SMOC2: variants seen among roughly 807,000 people sequenced by gnomAD.
The protein encoded by SMOC2 is SPARC related modular calcium binding 2.
SMOC2 carries 39 observed loss-of-function variants against 61.4 expected under a neutral mutation model. The ratio of observed to expected loss-of-function variants is 0.64; its 90% confidence interval spans 0.49 to 0.83. The LOEUF (loss-of-function observed/expected upper bound fraction) is 0.83, where lower values mean the gene tolerates loss of function less well. SMOC2 is among the 40% of genes least tolerant of loss of function. SMOC2 has a pLI of 0.00. For missense variants in SMOC2, 556 were observed against 592.9 expected, an observed-to-expected ratio of 0.94 and a Z score of 0.65; for synonymous variants, 247 against 239.9, an observed-to-expected ratio of 1.03 and a Z score of -0.27.
intron 1 of SMOC2, among the ~76,000 whole-genome samples, chr6:168,487,992 A>G (rs891998651): frequency 6.6e-6 from 1 of 152,214 alleles, no homozygotes; most frequent in South Asian, 2.1e-4. Context: ...TTCGAGAGCA[A>G]TATTTGAGGA....
chr6:168,588,202 T>C (rs569612965), intron 7 of SMOC2, among the ~76,000 whole-genome samples: 39 of 151,326 alleles, frequency 2.6e-4, no homozygotes, highest in African/African-American at 8.7e-4. Flanking sequence ...CGGCTCACTG[T>C]AACCTCTGCC....
rs865916505 is a variant in SMOC2 at position 168,592,625 on chromosome 6, T to C, written c.638-6193T>C. Among the ~76,000 whole-genome samples, 232 of 51,432 alleles carry C rather than the reference T, an allele frequency of 4.5e-3. 1 individual carries two copies. Among genetic ancestry groups the C allele is most frequent in the East Asian group, 6.9e-3 (13 of 1,888 alleles). The allele number at this position is 51,432 out of a possible 152,430, so 33.7% of individuals were successfully genotyped here. A position where few individuals can be genotyped will look rare whatever the true frequency, so the allele number is the denominator to read the frequency against. ...CGGAGCTCCTCCTCCTTCCTGAGGC[T>C]TCACGGGCATCTTTCTAGAGGATCG... On this transcript the variant is annotated intron_variant, in intron 7 of 12. Transcript: ENST00000356284.
intron 9 of SMOC2, among the ~76,000 whole-genome samples, chr6:168,629,744 G>A (rs528321826): frequency 6.6e-6 from 1 of 152,326 alleles, no homozygotes; most frequent in Admixed American, 6.5e-5. Flanking sequence ...ACAGATGAAT[G>A]TGTGTGGGGA....
At chr6:168,564,660 C>G (rs1390924110) in intron 7 of SMOC2, among the ~76,000 whole-genome samples, 3 of 152,126 alleles carry the variant, frequency 2.0e-5, no homozygotes, top group Non-Finnish European at 4.4e-5. Context: ...TCCAGTTTAC[C>G]TATCTTTTCT....
intron 4 of SMOC2, among the ~76,000 whole-genome samples, chr6:168,538,832 G>A (rs1192513977): frequency 6.6e-6 from 1 of 151,932 alleles, no homozygotes; most frequent in Non-Finnish European, 1.5e-5. Context: ...GGAATCTGGG[G>A]GAGTGGGGTG....
chr6:168,666,370 G>A (rs1787661431), intron 12 of SMOC2, 51 bp from the exon 13 acceptor site: 2 of 1,612,258 alleles, frequency 1.2e-6, no homozygotes, highest in South Asian at 2.2e-5. Context: ...TCACAGATGA[G>A]CGACACACAC....
At chr6:168,513,488 CACACACACACACACAT>C (rs1783058884) in intron 2 of SMOC2, among the ~76,000 whole-genome samples, 1 of 107,992 alleles carries the variant, frequency 9.3e-6, no homozygotes, top group East Asian at 2.9e-4. Flanking sequence ...CATACATACA[CACACACACACACACAT>C]AGACACTCAC....
Position 168,652,938 on chromosome 6 carries a change from T to G in SMOC2, c.1011-16T>G, listed in dbSNP as rs1305486452. ...CAGGGGTTTAAGCATCCTGACGGCA[T>G]CTGTGTTCCTTCCAGGCTCTCAGAA... is the stretch of plus-strand genomic sequence containing the variant. On this transcript the variant is annotated splice_polypyrimidine_tract_variant and intron_variant, in intron 10 of 12. Coordinates refer to ENST00000356284, the MANE Select transcript of SMOC2 (RefSeq NM_001166412.2). The G allele has an allele frequency of 1.9e-6, 3 of 1,610,804 alleles. No homozygotes were observed. Among genetic ancestry groups the G allele is most frequent in the Non-Finnish European group, 2.5e-6 (3 of 1,178,646 alleles).
chr6:168,605,738 G>C (rs766658251), intron 8 of SMOC2, among the ~76,000 whole-genome samples: 4 of 152,190 alleles, frequency 2.6e-5, no homozygotes, highest in Non-Finnish European at 5.9e-5. Flanking sequence ...CCCATGTGAA[G>C]GATACAGGTA....
chr6:168,526,521 G>A (rs1418804354), intron 3 of SMOC2, 69 bp downstream of exon 3: 1 of 1,321,312 alleles, frequency 7.6e-7, no homozygotes, highest in Non-Finnish European at 1.1e-6. Context: ...CGGGTGTGGG[G>A]AGAAGGCAGG....
At chr6:168,565,063 C>T (rs762295736) in intron 7 of SMOC2, among the ~76,000 whole-genome samples, 25 of 152,150 alleles carry the variant, frequency 1.6e-4, no homozygotes, top group Middle Eastern at 3.4e-3. Flanking sequence ...GTTTGTATAC[C>T]GAAAATTATT....
intron 11 of SMOC2, chr6:168,655,370 G>A (rs1440244140): frequency 2.2e-6 from 1 of 449,872 alleles, no homozygotes; most frequent in African/African-American, 2.0e-5. Context: ...TTTTTTTTGT[G>A]GGCCTGGCCT....
chr6:168,664,550 T>C (rs1367513626), intron 12 of SMOC2: 10 of 383,724 alleles, frequency 2.6e-5, no homozygotes, highest in Non-Finnish European at 4.6e-5. Flanking sequence ...GTTTGTAATT[T>C]GGTTCCTCCA....
chr6:168,442,250 C>G (rs1583019991), intron 1 of SMOC2, among the ~76,000 whole-genome samples: 1 of 152,254 alleles, frequency 6.6e-6, no homozygotes, highest in Non-Finnish European at 1.5e-5. Flanking sequence ...CTCCTGAGCG[C>G]GAGGGTCACC....
At chr6:168,542,867 CA>C (rs1453597615) in intron 4 of SMOC2, among the ~76,000 whole-genome samples, 3 of 151,738 alleles carry the variant, frequency 2.0e-5, no homozygotes, top group Non-Finnish European at 4.4e-5. Context: ...AAAAAGAAAA[CA>C]AAAACAAATA....
chr6:168,548,260 A>T (rs1454121166), intron 6 of SMOC2, among the ~76,000 whole-genome samples: 1 of 152,026 alleles, frequency 6.6e-6, no homozygotes, highest in East Asian at 1.9e-4. Flanking sequence ...ACCCAAGTCC[A>T]TCTGGGTGTA....
intron 7 of SMOC2, among the ~76,000 whole-genome samples, chr6:168,556,748 C>T (rs1784262159): frequency 2.6e-5 from 3 of 114,540 alleles, no homozygotes; most frequent in African/African-American, 1.0e-4. Context: ...CCCCCTCCCC[C>T]CACCCCACAA....
intron 11 of SMOC2, among the ~76,000 whole-genome samples, chr6:168,656,521 A>AAG (rs1554255355): frequency 2.8e-5 from 4 of 144,422 alleles, no homozygotes; most frequent in South Asian, 2.3e-4. Context: ...AAAAAAAAAA[A>AAG]AAAAAAAAAG....
chr6:168,606,437 G>T (rs969153374), intron 8 of SMOC2, among the ~76,000 whole-genome samples: 1 of 152,176 alleles, frequency 6.6e-6, no homozygotes, highest in East Asian at 1.9e-4. Context: ...AGAGGCTATT[G>T]AGGGCCAAGG....
Sources: gnomAD v4.1 joint callset for allele counts (sites outside exome capture counted in the v4.1 genomes callset) on GRCh38, gnomAD v4.1.1 for gene constraint, MANE v1.5 for transcripts, NCBI Gene and HGNC (gene_info 2026-07-23, HGNC 2026-07-21) for gene names.